NALF1: variants seen among roughly 807,000 people sequenced by gnomAD.
NALF1 encodes family with sequence similarity 155 member A.
A neutral mutation model predicts 48.4 loss-of-function variants in NALF1; 3 were observed. The ratio of observed to expected loss-of-function variants is 0.06; its 90% CI spans 0.03 to 0.16. The LOEUF is 0.16. Ranked by LOEUF, NALF1 falls within the 10% of genes least tolerant of loss-of-function variation. The pLI is 1.00. For synonymous variants in NALF1, 262 were observed against 245.7 expected, an observed-to-expected ratio of 1.07 and a Z score of -0.62; for missense variants, 526 against 571.5, an observed-to-expected ratio of 0.92 and a Z score of 0.81.
At chr13:107,718,495 T>G (rs3905076) in intron 1 of NALF1, among the ~76,000 whole-genome samples, 137,274 of 152,168 alleles carry the variant, frequency 0.9, 62,307 homozygotes, top group East Asian at 1. Context: ...GAGAAAATCA[T>G]CTCAGCTTGG....
At chr13:107,597,371 G>C (rs1878783558) in intron 1 of NALF1, among the ~76,000 whole-genome samples, 2 of 152,072 alleles carry the variant, frequency 1.3e-5, no homozygotes, top group Non-Finnish European at 2.9e-5. Context: ...TATGCTTTCT[G>C]TACAAGATTT....
At chr13:107,704,706 G>A (rs1459241213) in intron 1 of NALF1, among the ~76,000 whole-genome samples, 1 of 152,076 alleles carries the variant, frequency 6.6e-6, no homozygotes, top group Non-Finnish European at 1.5e-5. Context: ...TCATTCTCAG[G>A]TAAAATAAGA....
chr13:107,415,865 T>C (rs1884075670), intron 1 of NALF1, among the ~76,000 whole-genome samples: 1 of 152,214 alleles, frequency 6.6e-6, no homozygotes, highest in African/African-American at 2.4e-5. Flanking sequence ...AAACTTTACT[T>C]GGACACATCA....
chr13:107,771,992 C>T (rs1877591769), intron 1 of NALF1, among the ~76,000 whole-genome samples: 1 of 152,096 alleles, frequency 6.6e-6, no homozygotes, highest in Admixed American at 6.6e-5. Context: ...GCCTCGGCCT[C>T]CCAAAGTGCT....
chr13:107,862,601 C>T (rs979607355), intron 1 of NALF1, among the ~76,000 whole-genome samples: 3 of 151,824 alleles, frequency 2.0e-5, no homozygotes, highest in African/African-American at 7.3e-5. Flanking sequence ...CATATATTTA[C>T]ATTTATCAGA....
Position 107,258,264 on chromosome 13 carries a change from G to A in NALF1, c.916-47509C>T, listed in dbSNP as rs1594092814. 3.3e-5 allele frequency among the ~76,000 whole-genome samples: 5 copies of A among 152,094 alleles called. No individual in the cohort carries two copies. In the East Asian group the frequency reaches 9.7e-4, roughly 29 times the overall value. Reference sequence around the variant, plus strand: ...ATAACTTCTAATGACATAAATGTGGGCATTATTTTTATATTTTATTGTTAA... The same window carrying A: ...ATAACTTCTAATGACATAAATGTGGACATTATTTTTATATTTTATTGTTAA... On this transcript the variant is annotated intron_variant, in intron 1 of 2. Coordinates refer to ENST00000375915, the MANE Select transcript of NALF1 (RefSeq NM_001080396.3).
chr13:107,748,102 G>C (rs1876834872), intron 1 of NALF1, among the ~76,000 whole-genome samples: 1 of 152,110 alleles, frequency 6.6e-6, no homozygotes, highest in Admixed American at 6.5e-5. Context: ...AGCATCCTCA[G>C]TTTCCCTCTT....
chr13:107,752,861 G>A (rs1007570000), intron 1 of NALF1, among the ~76,000 whole-genome samples: 7 of 152,086 alleles, frequency 4.6e-5, no homozygotes, highest in African/African-American at 1.7e-4. Flanking sequence ...TTCTAATAGT[G>A]AATCTATAAT....
Position 107,866,377 on chromosome 13 carries a change from G to C in NALF1, c.220C>G (p.Gln74Glu), listed in dbSNP as rs1293048406. Residue 74 changes from glutamine to glutamate, a missense_variant, in exon 1 of 3, where the codon CAG becomes GAG. Coordinates refer to ENST00000375915, the MANE Select transcript of NALF1 (RefSeq NM_001080396.3). The surrounding 1 kb of genome is among the most constrained non-coding windows in gnomAD (Gnocchi z 4.4). ...TGCTGCTGCTGCTGCCGCTGCTGCT[G>C]CTGGTGCTCCTTGTCCCGGGCCCGG... is the stretch of plus-strand genomic sequence containing the variant. The part of the protein sequence containing the change: ...LTRARDKEHQ[Q>E]QQRQQQQQQQ... The C allele has an allele frequency of 6.8e-7, 1 of 1,479,358 alleles. No individual in the cohort carries two copies. The highest frequency in any genetic ancestry group is 9.0e-7 in the Non-Finnish European group (1 of 1,112,650). The allele number at this position is 1,479,358 out of a possible 1,614,324, so 91.6% of individuals were successfully genotyped here. A position where few individuals can be genotyped will look rare whatever the true frequency, so the allele number is the denominator to read the frequency against.
At chr13:107,724,388 T>C (rs1341275684) in intron 1 of NALF1, among the ~76,000 whole-genome samples, 1 of 152,246 alleles carries the variant, frequency 6.6e-6, no homozygotes, top group African/African-American at 2.4e-5. Context: ...ATAATCCTGA[T>C]TTTTATCTTA....
At chr13:107,728,372 G>T (rs1220112557) in intron 1 of NALF1, among the ~76,000 whole-genome samples, 1 of 152,170 alleles carries the variant, frequency 6.6e-6, no homozygotes, top group Non-Finnish European at 1.5e-5. Flanking sequence ...ATGAGTTTAT[G>T]TTCATTGCAG....
At chr13:107,617,388 T>C (rs1879407513) in intron 1 of NALF1, among the ~76,000 whole-genome samples, 1 of 152,164 alleles carries the variant, frequency 6.6e-6, no homozygotes, top group Non-Finnish European at 1.5e-5. Context: ...ACCAAAGGAT[T>C]CTATGTTTGG....
chr13:107,535,943 C>A (rs982358860), intron 1 of NALF1, among the ~76,000 whole-genome samples: 1 of 152,164 alleles, frequency 6.6e-6, no homozygotes, highest in African/African-American at 2.4e-5. Flanking sequence ...ACCATCTGGT[C>A]TTTGACAAAC....
chr13:107,555,439 A>ATTTTT (rs34486058), intron 1 of NALF1, among the ~76,000 whole-genome samples: 65 of 69,964 alleles, frequency 9.3e-4, no homozygotes, highest in Non-Finnish European at 1.1e-3. Context: ...AGCCTGGCTA[A>ATTTTT]TTTTTTTTTT....
intron 1 of NALF1, among the ~76,000 whole-genome samples, chr13:107,818,721 A>C (rs964833363): frequency 8.8e-5 from 13 of 148,394 alleles, no homozygotes; most frequent in Non-Finnish European, 1.9e-4. Flanking sequence ...AAATACAAAA[A>C]ATTAGCCGGG....
intron 1 of NALF1, among the ~76,000 whole-genome samples, chr13:107,589,059 G>A (rs1878533284): frequency 1.3e-5 from 2 of 152,032 alleles, no homozygotes; most frequent in South Asian, 4.1e-4. Context: ...AGATATTTCA[G>A]ACCAGAATTT....
chr13:107,268,131 C>T lies in NALF1; in HGVS notation c.916-57376G>A, dbSNP rs549198033. 9.2e-5 allele frequency among the ~76,000 whole-genome samples: 14 copies of T among 152,012 alleles called. No individual in the cohort carries two copies. In the South Asian group the frequency reaches 2.7e-3, roughly 29 times the overall value. On this transcript the variant is annotated intron_variant, in intron 1 of 2. Transcript: ENST00000375915. Reference sequence around the variant, plus strand: ...CCTCCCAAGTAACTGGGAACACAGGCATGCACCACCACCACACCCAGCTAA... The same window carrying T: ...CCTCCCAAGTAACTGGGAACACAGGTATGCACCACCACCACACCCAGCTAA...
At chr13:107,546,663 C>G (rs997027460) in intron 1 of NALF1, among the ~76,000 whole-genome samples, 1 of 152,026 alleles carries the variant, frequency 6.6e-6, no homozygotes, top group African/African-American at 2.4e-5. Context: ...CTGTCTCTCT[C>G]CCGGCTAGCT....
At chr13:107,802,388 T>C (rs1013625255) in intron 1 of NALF1, among the ~76,000 whole-genome samples, 1 of 152,224 alleles carries the variant, frequency 6.6e-6, no homozygotes, top group African/African-American at 2.4e-5. Flanking sequence ...CTTGTATATA[T>C]TTCAGATTGT....
Sources: gnomAD v4.1 joint callset for allele counts (sites outside exome capture counted in the v4.1 genomes callset) on GRCh38, gnomAD v4.1.1 for gene constraint, Gnocchi (gnomAD v3.1) non-coding constraint, MANE v1.5 for transcripts, NCBI Gene and HGNC (gene_info 2026-07-23, HGNC 2026-07-21) for gene names.